Variants in HVCN1 observed in about 807,000 individuals in gnomAD.
The protein encoded by HVCN1 is hydrogen voltage gated channel 1, also known as voltage-gated hydrogen channel 1.
A neutral mutation model predicts 29.2 loss-of-function variants in HVCN1; 14 were observed. That is an observed-to-expected ratio of 0.48 (90% CI 0.32 to 0.75). The LOEUF (loss-of-function observed/expected upper bound fraction) is 0.75, where lower values mean the gene tolerates loss of function less well. HVCN1 is among the 30% of genes least tolerant of loss of function. HVCN1 has a pLI of 0.04. For missense variants in HVCN1, 263 were observed against 341.8 expected, an observed-to-expected ratio of 0.77 and a Z score of 1.82; for synonymous variants, 131 against 133.2, an observed-to-expected ratio of 0.98 and a Z score of 0.11.
chr12:110,664,922 T>C (rs940267717), intron 3 of HVCN1, among the ~76,000 whole-genome samples: 1 of 152,174 alleles, frequency 6.6e-6, no homozygotes, highest in Non-Finnish European at 1.5e-5. Flanking sequence ...GGTTGGGAGA[T>C]ATGTGAGTTC....
At chr12:110,678,213 G>A (rs2136404654) in intron 3 of HVCN1, among the ~76,000 whole-genome samples, 1 of 152,252 alleles carries the variant, frequency 6.6e-6, no homozygotes, top group East Asian at 1.9e-4. Context: ...GCCAAGCCCA[G>A]CTCCCCCTCC....
chr12:110,674,677 T>G (rs2068689361), intron 3 of HVCN1, among the ~76,000 whole-genome samples: 2 of 152,184 alleles, frequency 1.3e-5, no homozygotes, highest in Non-Finnish European at 1.5e-5. Flanking sequence ...GGTTTCTGCT[T>G]TTGCTTCTCT....
intron 3 of HVCN1, among the ~76,000 whole-genome samples, chr12:110,669,909 A>G (rs2068514625): frequency 6.6e-6 from 1 of 152,188 alleles, no homozygotes; most frequent in South Asian, 2.1e-4. Context: ...TACAAAAATT[A>G]GCCAGGCATG....
rs1229220028 is a variant in HVCN1, at chr12:110,659,310, T to TG, written c.306+1853dup. ...AGGCTCTATTTCAGCCACACAAGAG[T>TG]GGGGAAAAAAAAGACCAAAATAATT... On this transcript the variant is annotated intron_variant, in intron 4 of 7. Coordinates refer to ENST00000242607, the MANE Select transcript of HVCN1 (RefSeq NM_032369.4). 8.2e-5 allele frequency among the ~76,000 whole-genome samples: 12 copies of TG among 147,180 alleles called. 1 individual carries two copies. Among genetic ancestry groups the TG allele is most frequent in the Admixed American group, 7.5e-4 (11 of 14,760 alleles).
intron 4 of HVCN1, among the ~76,000 whole-genome samples, chr12:110,656,638 A>G (rs878983205): frequency 6.6e-6 from 1 of 152,214 alleles, no homozygotes; most frequent in South Asian, 2.1e-4. Flanking sequence ...TGGCCTCTGA[A>G]AATTAACCTG....
intron 2 of HVCN1, among the ~76,000 whole-genome samples, chr12:110,686,609 CA>C (rs2069194486): frequency 6.6e-6 from 1 of 152,168 alleles, no homozygotes; most frequent in Non-Finnish European, 1.5e-5. Flanking sequence ...AACTAGCACA[CA>C]CGCAGAGGAA....
At chr12:110,702,906 G>A (rs961431106) in intron 1 of HVCN1, among the ~76,000 whole-genome samples, 3 of 151,836 alleles carry the variant, frequency 2.0e-5, no homozygotes, top group East Asian at 1.9e-4. Context: ...TGCCCGCCTC[G>A]GCCTCCCAAA....
At chr12:110,675,857 C>T (rs530274572) in intron 3 of HVCN1, among the ~76,000 whole-genome samples, 7 of 152,106 alleles carry the variant, frequency 4.6e-5, no homozygotes, top group East Asian at 3.9e-4. Flanking sequence ...TGCAGTGAGC[C>T]GAGATAATGC....
chr12:110,655,995 G>A (rs940629278), intron 4 of HVCN1, among the ~76,000 whole-genome samples: 1 of 152,168 alleles, frequency 6.6e-6, no homozygotes, highest in East Asian at 1.9e-4. Flanking sequence ...ATAAGCCACC[G>A]TGCCCAGGCA....
chr12:110,652,842 G>C (rs2067859171), intron 5 of HVCN1, among the ~76,000 whole-genome samples: 1 of 152,160 alleles, frequency 6.6e-6, no homozygotes, highest in South Asian at 2.1e-4. Context: ...TGCTACCAAA[G>C]CAGTACCAGG....
At chr12:110,691,393 A>T (rs547463076), upstream of HVCN1, among the ~76,000 whole-genome samples, 3 of 152,196 alleles carry the variant, frequency 2.0e-5, no homozygotes, top group Non-Finnish European at 2.9e-5. Context: ...TTTTGGTCAG[A>T]TCTCCTGACT....
chr12:110,661,570 G>A lies in HVCN1; in HGVS notation c.22-122C>T. The A allele has an allele frequency of 1.2e-6, 1 of 836,420 alleles. No homozygotes were observed. The allele number at this position is 836,420 out of a possible 1,614,324, so 51.8% of individuals were successfully genotyped here. On this transcript the variant is annotated intron_variant, in intron 3 of 7. Coordinates refer to ENST00000242607, the MANE Select transcript of HVCN1 (RefSeq NM_032369.4). The surrounding 1 kb of genome is among the most constrained non-coding windows in gnomAD (Gnocchi z 6.2). ...CCCGGGTGCGTAGAACCCCCTGCAA[G>A]CAGAGACCATGAGGTCACGGTGGTT...
At chr12:110,666,719 A>G (rs570076384) in intron 3 of HVCN1, among the ~76,000 whole-genome samples, 12 of 152,078 alleles carry the variant, frequency 7.9e-5, no homozygotes, top group South Asian at 2.1e-4. Flanking sequence ...CTTCTCCCCA[A>G]TCCGAGCTTC....
At chr12:110,689,218 C>T (rs2069336663), upstream of HVCN1, 2 of 151,918 alleles carry the variant, frequency 1.3e-5, no homozygotes, top group South Asian at 2.0e-4. This position sits in a 1 kb window ranked among gnomAD's most constrained non-coding sequence, Gnocchi z 5.7. Flanking sequence ...CCCCACAGCC[C>T]GCAGACCCCC....
At chr12:110,663,533 G>T (rs528406844) in intron 3 of HVCN1, among the ~76,000 whole-genome samples, 2 of 142,718 alleles carry the variant, frequency 1.4e-5, no homozygotes, top group African/African-American at 5.3e-5. Flanking sequence ...TTGGGAGGTC[G>T]AGGCTGCAGT....
At chr12:110,700,705 G>A (rs1327832303) in intron 2 of HVCN1, among the ~76,000 whole-genome samples, 13 of 152,072 alleles carry the variant, frequency 8.5e-5, no homozygotes, top group African/African-American at 2.7e-4. Context: ...TGATCCTCCC[G>A]CCTCAGCCTC....
intron 5 of HVCN1, among the ~76,000 whole-genome samples, chr12:110,654,491 T>TCCC (rs1296901881): frequency 1.8e-4 from 27 of 146,958 alleles, no homozygotes; most frequent in African/African-American, 6.9e-4. Context: ...TTTTTTTTTT[T>TCCC]CCTGGAGACG....
intron 3 of HVCN1, among the ~76,000 whole-genome samples, chr12:110,666,236 G>A: frequency 6.6e-6 from 1 of 151,580 alleles, no homozygotes; most frequent in South Asian, 2.1e-4. Context: ...GGCTAACATG[G>A]TGAAACCCCA....
chr12:110,699,547 C>A (rs1232479970), intron 2 of HVCN1, among the ~76,000 whole-genome samples: 1 of 152,054 alleles, frequency 6.6e-6, no homozygotes, highest in Non-Finnish European at 1.5e-5. Context: ...AGTCCAGGAG[C>A]TGAGGGAGAG....
Sources: allele counts gnomAD v4.1 joint callset (sites outside exome capture counted in the v4.1 genomes callset), GRCh38; gene constraint gnomAD v4.1.1; non-coding constraint Gnocchi (gnomAD v3.1); transcripts MANE v1.5; gene names NCBI Gene and HGNC (gene_info 2026-07-23, HGNC 2026-07-21).